The following COL27A1 variants were observed in gnomAD, a reference collection of about 807,000 sequenced individuals.
COL27A1 encodes the protein collagen type XXVII alpha 1 chain.
Under a neutral mutation model 251.3 loss-of-function variants are expected in COL27A1, and 106 were observed. The ratio of observed to expected loss-of-function variants is 0.42; its 90% CI spans 0.36 to 0.50. COL27A1 has a LOEUF of 0.50. COL27A1 is among the 20% of genes least tolerant of loss of function. The pLI, the probability that COL27A1 is intolerant of heterozygous loss-of-function variation, is 0.00. For synonymous variants in COL27A1, 1,000 were observed against 986.3 expected (o/e 1.01, Z -0.26); for missense variants, 2,325 against 2,522.8 (o/e 0.92, Z 1.68).
At position 114,169,311 on chromosome 9, in the gene COL27A1, A is replaced by T; in HGVS notation, c.1756A>T (p.Thr586Ser). 5.6e-6 allele frequency: 9 copies of T among 1,612,492 alleles called. No homozygotes were observed. The highest frequency in any genetic ancestry group is 1.1e-5 in the South Asian group (1 of 90,966). The part of the protein sequence containing the change: ...SPRQPQPSQQ[T>S]TPALVLAPAQ... ...CAGACAGCCCCAGCCCAGTCAGCAG[A>T]CCACCCCGGCCCTGGTATTGGCCCC... is the stretch of plus-strand genomic sequence containing the variant. Residue 586 changes from threonine (T) to serine (S), a missense_variant, in exon 3 of 61, where the codon ACC (threonine) becomes TCC (serine). Coordinates refer to ENST00000356083, the MANE Select transcript of COL27A1 (RefSeq NM_032888.4).
Position 114,292,221 on chromosome 9 carries a change from G to A in COL27A1, c.4584+11G>A, listed in dbSNP as rs546807689. 1.4e-5 allele frequency: 21 copies of A among 1,545,858 alleles called. 1 individual carries two copies. Among genetic ancestry groups the A allele is most frequent in the South Asian group, 8.3e-5 (7 of 83,946 alleles). On this transcript the variant is annotated intron_variant, in intron 49 of 60. Transcript: ENST00000356083. ...TCCAAAGGCCAGCCGGTGAGTGAGC[G>A]CCAAAGAATACACATGCCCACGCAC...
At chr9:114,247,435 A>G (rs1833220845) in intron 24 of COL27A1, among the ~76,000 whole-genome samples, 1 of 152,308 alleles carries the variant, frequency 6.6e-6, no homozygotes, top group Admixed American at 6.5e-5. Context: ...ATTCAAGTTG[A>G]TATACCCTCT....
At chr9:114,210,498 G>T (rs2135333327) in intron 11 of COL27A1, among the ~76,000 whole-genome samples, 1 of 152,288 alleles carries the variant, frequency 6.6e-6, no homozygotes, top group Admixed American at 6.5e-5. Context: ...GGTGGGCAGT[G>T]GGTGCTAAGA....
chr9:114,294,070 C>G (rs1828096596), intron 49 of COL27A1, among the ~76,000 whole-genome samples: 1 of 132,932 alleles, frequency 7.5e-6, no homozygotes, highest in Admixed American at 7.7e-5. Context: ...AACCCCATCT[C>G]TACTAACAAT....
chr9:114,160,009 G>A (rs1476815017), intron 1 of COL27A1, among the ~76,000 whole-genome samples: 4 of 152,196 alleles, frequency 2.6e-5, no homozygotes, highest in Admixed American at 2.6e-4. Flanking sequence ...GTGAGCTGGG[G>A]GCCTGGCCCC....
intron 24 of COL27A1, among the ~76,000 whole-genome samples, chr9:114,246,370 T>A (rs1833131631): frequency 6.6e-6 from 1 of 152,192 alleles, no homozygotes; most frequent in Non-Finnish European, 1.5e-5. Flanking sequence ...TCTGGCTGGT[T>A]GAGAAGCTGG....
intron 54 of COL27A1, 94 bp downstream of exon 54, chr9:114,301,556 C>T (rs530926248): frequency 1.7e-5 from 26 of 1,538,868 alleles, no homozygotes; most frequent in East Asian, 9.0e-5. Context: ...TCCGGACCTC[C>T]GTCATCCCGT....
chr9:114,217,295 G>C (rs760716418), intron 12 of COL27A1, among the ~76,000 whole-genome samples: 44 of 152,162 alleles, frequency 2.9e-4, no homozygotes, highest in Non-Finnish European at 5.0e-4. Flanking sequence ...GTGGCAGTGA[G>C]GCACCCTCAC....
intron 14 of COL27A1, among the ~76,000 whole-genome samples, chr9:114,223,038 G>A (rs1831226083): frequency 6.6e-6 from 1 of 152,178 alleles, no homozygotes; most frequent in African/African-American, 2.4e-5. Flanking sequence ...GATCTGACCT[G>A]ACTCCATCCA....
intron 22 of COL27A1, 45 bp downstream of exon 22, chr9:114,242,276 G>A (rs1832815905): frequency 4.5e-6 from 7 of 1,560,838 alleles, no homozygotes; most frequent in Non-Finnish European, 5.2e-6. Context: ...TGGGAGCTGA[G>A]CCAGCTGTGC....
intron 41 of COL27A1, among the ~76,000 whole-genome samples, chr9:114,286,202 A>T (rs374129492): frequency 0.018 from 2,779 of 152,302 alleles, 83 homozygotes; most frequent in African/African-American, 0.063. Context: ...CGCAAGCTGG[A>T]CGGTGCTAGG....
intron 14 of COL27A1, among the ~76,000 whole-genome samples, chr9:114,228,677 G>C (rs999035531): frequency 1.3e-5 from 2 of 152,240 alleles, no homozygotes; most frequent in African/African-American, 4.8e-5. Flanking sequence ...TTCATGGGCT[G>C]TGGTGAGGAA....
chr9:114,300,582 A>C, intron 50 of COL27A1, 43 bp from the exon 51 acceptor site: 1 of 1,499,978 alleles, frequency 6.7e-7, no homozygotes, highest in South Asian at 1.3e-5. Context: ...CCCTTTACCC[A>C]GTGGCTGCCA....
chr9:114,305,720 G>A (rs370594615), intron 57 of COL27A1, among the ~76,000 whole-genome samples: 1 of 152,144 alleles, frequency 6.6e-6, no homozygotes, highest in Non-Finnish European at 1.5e-5. Context: ...CTCTGGGCCA[G>A]GCCTCTATGG....
intron 29 of COL27A1, among the ~76,000 whole-genome samples, 160 bp from the exon 30 acceptor site, chr9:114,264,764 C>G (rs1008357154): frequency 1.1e-4 from 16 of 152,218 alleles, no homozygotes; most frequent in Non-Finnish European, 2.4e-4. Flanking sequence ...GCGAGCCACT[C>G]CCCTTGTCAG....
chr9:114,187,638 A>G (rs1436998603), intron 5 of COL27A1, among the ~76,000 whole-genome samples: 2 of 152,196 alleles, frequency 1.3e-5, no homozygotes, highest in African/African-American at 2.4e-5. Flanking sequence ...CACATATGTG[A>G]GTGTGGATCC....
intron 28 of COL27A1, among the ~76,000 whole-genome samples, chr9:114,259,000 A>C (rs1454531038): frequency 6.6e-6 from 1 of 152,250 alleles, no homozygotes; most frequent in Non-Finnish European, 1.5e-5. Flanking sequence ...TGGCAGATGC[A>C]GGTGATAAAA....
At chr9:114,220,805 C>T (rs565443819) in intron 13 of COL27A1, among the ~76,000 whole-genome samples, 1 of 152,136 alleles carries the variant, frequency 6.6e-6, no homozygotes, top group South Asian at 2.1e-4. Flanking sequence ...ACCACCCTGG[C>T]CAACATGGCA....
In COL27A1 at chr9:114,275,732, C is replaced by G; in HGVS notation, c.3681C>G (p.Asp1227Glu). The G allele has an allele frequency of 1.3e-6, 2 of 1,549,424 alleles. No homozygotes were observed. The highest frequency in any genetic ancestry group is 1.7e-6 in the Non-Finnish European group (2 of 1,146,692). ...EKGQEGLMGEDGPPGPPGVTG... is the reference protein window; with the variant it reads ...EKGQEGLMGEEGPPGPPGVTG... ...GCCAGGAAGGGCTGATGGGTGAGGA[C>G]GGGCCCCCCGGCCCCCCTGGCGTCA... The change falls in exon 37 of 61, where the codon GAC becomes GAG. Residue 1227 changes from aspartate to glutamate, a missense_variant. By Grantham distance (45) the Asp-to-Glu change is conservative (BLOSUM62 2). This residue lies in a region of COL27A1 where 662 missense variants were observed against 795.3 expected (regional missense o/e 0.83). Transcript: ENST00000356083.
Sources: gnomAD v4.1 joint callset for allele counts (sites outside exome capture counted in the v4.1 genomes callset) on GRCh38, gnomAD v4.1.1 for gene constraint, gnomAD v4.1.1 regional missense constraint, MANE v1.5 for transcripts, NCBI Gene and HGNC (gene_info 2026-07-23, HGNC 2026-07-21) for gene names.